BIRC2: variants seen among roughly 807,000 people sequenced by gnomAD.
BIRC2 encodes the protein baculoviral IAP repeat-containing protein 2.
Under a neutral mutation model 60.9 loss-of-function variants are expected in BIRC2, and 18 were observed. That is an observed-to-expected ratio of 0.30 (90% CI 0.20 to 0.44). BIRC2 has a LOEUF of 0.44. Among genes scored for constraint, BIRC2 ranks in the 20% least tolerant of loss-of-function variants. The pLI is 1.00. For synonymous variants in BIRC2, 282 were observed against 247.7 expected, an observed-to-expected ratio of 1.14 and a Z score of -1.30; for missense variants, 701 against 728.5, an observed-to-expected ratio of 0.96 and a Z score of 0.43.
chr11:102,367,521 T>A (rs1031330081), intron 5 of BIRC2, among the ~76,000 whole-genome samples: 3 of 152,236 alleles, frequency 2.0e-5, no homozygotes, highest in Non-Finnish European at 4.4e-5. Context: ...ATATTTATTA[T>A]AAGTTTCCAG....
intron 6 of BIRC2, among the ~76,000 whole-genome samples, chr11:102,369,896 T>G: frequency 6.7e-6 from 1 of 148,562 alleles, no homozygotes; most frequent in African/African-American, 2.5e-5. Context: ...GGTTTTGATT[T>G]GCATTTCTCT....
chr11:102,372,513 T>G (rs1470561476), intron 6 of BIRC2, among the ~76,000 whole-genome samples: 1 of 152,156 alleles, frequency 6.6e-6, no homozygotes, highest in African/African-American at 2.4e-5. Context: ...CTAGTTTGAT[T>G]GCACTGTGGT....
chr11:102,362,117 A>G (rs916735634), intron 3 of BIRC2, among the ~76,000 whole-genome samples: 2 of 152,186 alleles, frequency 1.3e-5, no homozygotes, highest in Non-Finnish European at 2.9e-5. Flanking sequence ...TCTTTTGTCT[A>G]ATAATTCTTT....
chr11:102,375,174 G>A (rs1951695104), intron 6 of BIRC2, among the ~76,000 whole-genome samples: 1 of 152,160 alleles, frequency 6.6e-6, no homozygotes, highest in Admixed American at 6.5e-5. Flanking sequence ...TTCCTATTCG[G>A]CCATCTTGGC....
rs1035601744 is a variant in BIRC2 at position 102,348,807 on chromosome 11, T to C, written c.-1048T>C. 2.2e-5 allele frequency: 6 copies of C among 275,200 alleles called. No homozygotes were observed. The highest frequency in any genetic ancestry group is 4.3e-5 in the Non-Finnish European group (6 of 140,938). The allele number at this position is 275,200 out of a possible 1,614,324, so 17.0% of individuals were successfully genotyped here. A position where few individuals can be genotyped will look rare whatever the true frequency, so the allele number is the denominator to read the frequency against. On this transcript the variant is annotated 5_prime_UTR_variant, in exon 2 of 9. Coordinates refer to ENST00000227758, the MANE Select transcript of BIRC2 (RefSeq NM_001166.5). ...CTGATACTTTATGCTAAGCAGTACT[T>C]TTTTGGTAGTACAATATTTTGTTAG...
chr11:102,373,960 C>A lies in BIRC2; in HGVS notation c.1367-3536C>A, dbSNP rs1437274192. On this transcript the variant is annotated intron_variant, in intron 6 of 8. Transcript: ENST00000227758. The stretch of plus-strand genomic sequence containing the variant: ...TACCCTTTCTTCCAGTTGATCGCAT[C>A]GGCTCCTGAGGCTTCTGCATTCTTC... 1.3e-4 allele frequency among the ~76,000 whole-genome samples: 18 copies of A among 142,948 alleles called. No homozygotes were observed. The South Asian group carries it at 4.1e-3, about 32-fold the overall frequency. The allele number at this position is 142,948 out of a possible 152,430, so 93.8% of individuals were successfully genotyped here. A position where few individuals can be genotyped will look rare whatever the true frequency, so the allele number is the denominator to read the frequency against.
At chr11:102,351,058 G>A (rs1009226192) in intron 3 of BIRC2, 115 bp downstream of exon 3, 9 of 904,500 alleles carry the variant, frequency 1.0e-5, no homozygotes, top group African/African-American at 3.4e-5. Flanking sequence ...TATGCCATTG[G>A]GGAATTATCC....
chr11:102,361,122 G>T (rs545297961), intron 3 of BIRC2, among the ~76,000 whole-genome samples: 12 of 152,326 alleles, frequency 7.9e-5, no homozygotes, highest in Non-Finnish European at 1.8e-4. Context: ...GGAGGTGGCA[G>T]CACTGATGTC....
chr11:102,376,138 G>A (rs1951710934), intron 6 of BIRC2, among the ~76,000 whole-genome samples: 1 of 152,100 alleles, frequency 6.6e-6, no homozygotes, highest in Admixed American at 6.6e-5. Context: ...TGTATGGGTT[G>A]GAAAATAGTA....
intron 3 of BIRC2, among the ~76,000 whole-genome samples, chr11:102,354,150 C>T (rs1951393916): frequency 6.6e-6 from 1 of 152,194 alleles, no homozygotes; most frequent in Non-Finnish European, 1.5e-5. Context: ...CTTTCTCTGG[C>T]ATATTTCACT....
intron 5 of BIRC2, among the ~76,000 whole-genome samples, chr11:102,364,174 T>TATATATATATATATATAC (rs1389968594): frequency 8.8e-4 from 69 of 78,022 alleles, no homozygotes; most frequent in African/African-American, 1.6e-3. Context: ...TATATATATA[T>TATATATATATATATATAC]ACACACACAC....
At chr11:102,362,806 A>G (rs538474574) in intron 3 of BIRC2, 90 bp from the exon 4 acceptor site, 8 of 976,636 alleles carry the variant, frequency 8.2e-6, no homozygotes, top group East Asian at 5.2e-5. Context: ...ATGGAGTACA[A>G]TGAAAGATTT....
At chr11:102,361,690 G>A (rs189879932) in intron 3 of BIRC2, among the ~76,000 whole-genome samples, 1 of 152,136 alleles carries the variant, frequency 6.6e-6, no homozygotes, top group Admixed American at 6.5e-5. Flanking sequence ...ACCTGCTCTG[G>A]GGAGGAGCCT....
Position 102,363,704 on chromosome 11 carries a change from G to C in BIRC2, c.1111G>C (p.Ala371Pro). 1 of 1,611,444 alleles carries C rather than the reference G, an allele frequency of 6.2e-7. No homozygotes were observed. The highest frequency in any genetic ancestry group is 1.1e-5 in the South Asian group (1 of 90,872). The stretch of plus-strand genomic sequence containing the variant: ...TTCAGATACCACTGGAGAAGAAAAT[G>C]CTGACCCACCAAGTATGTATGAGAT... The part of the protein sequence containing the change: ...STSDTTGEEN[A>P]DPPIIHFGPG... The change falls in exon 5 of 9, where the codon GCT becomes CCT. Residue 371 changes from alanine (A) to proline (P), a missense_variant. Ala to Pro is a conservative substitution (Grantham distance 27). Transcript: ENST00000227758.
At chr11:102,357,207 G>GTAAT (rs769347385) in intron 3 of BIRC2, among the ~76,000 whole-genome samples, 2 of 152,080 alleles carry the variant, frequency 1.3e-5, no homozygotes, top group African/African-American at 2.4e-5. Flanking sequence ...TGGTATCAGA[G>GTAAT]TAATGCTTGG....
In BIRC2 at chr11:102,378,095, T is replaced by C. The variant is rs768585705; in HGVS notation, c.1769T>C (p.Val590Ala). The C allele has an allele frequency of 6.2e-7, 1 of 1,613,860 alleles. No individual in the cohort carries two copies. The highest frequency in any genetic ancestry group is 8.5e-7 in the Non-Finnish European group (1 of 1,179,806). Residue 590 changes from valine to alanine, a missense_variant, in exon 9 of 9, where the codon GTA becomes GCA. Transcript: ENST00000227758. ...GTATTTATTCCTTGTGGTCATCTGG[T>C]AGTATGCCAGGAATGTGCCCCTTCT... is the stretch of plus-strand genomic sequence containing the variant. The part of the protein sequence containing the change: ...SVVFIPCGHL[V>A]VCQECAPSLR...
rs756993758 is a variant in BIRC2 at position 102,378,056 on chromosome 11, A to G, written c.1730A>G (p.Lys577Arg). 2.6e-5 allele frequency: 42 copies of G among 1,613,620 alleles called. No individual in the cohort carries two copies. The East Asian group carries it at 3.3e-4, about 13-fold the overall frequency. Reference protein sequence around the residue: ...EERTCKVCMDKEVSVVFIPCG... With the variant: ...EERTCKVCMDREVSVVFIPCG... ...CGAACTTGTAAAGTGTGTATGGACA[A>G]AGAAGTTTCTGTTGTATTTATTCCT... Residue 577 changes from lysine to arginine, a missense_variant, in exon 9 of 9, where the codon AAA becomes AGA. By Grantham distance (26) the Lys-to-Arg change is conservative. This residue lies in a region of BIRC2 where 52 missense variants were observed against 83.9 expected (regional missense o/e 0.62). Coordinates refer to ENST00000227758, the MANE Select transcript of BIRC2 (RefSeq NM_001166.5).
chr11:102,361,951 C>T (rs903832753), intron 3 of BIRC2, among the ~76,000 whole-genome samples: 2 of 150,920 alleles, frequency 1.3e-5, no homozygotes, highest in Admixed American at 1.3e-4. Flanking sequence ...TGGAAGAAGG[C>T]TGATGTCTCC....
intron 3 of BIRC2, among the ~76,000 whole-genome samples, chr11:102,353,446 G>A (rs914812756): frequency 3.9e-5 from 6 of 151,920 alleles, no homozygotes; most frequent in Non-Finnish European, 5.9e-5. Flanking sequence ...AGCCCCCCGA[G>A]TAGCTGGAAT....
Sources: gnomAD v4.1 joint callset for allele counts (sites outside exome capture counted in the v4.1 genomes callset) on GRCh38, gnomAD v4.1.1 for gene constraint, gnomAD v4.1.1 regional missense constraint, MANE v1.5 for transcripts, NCBI Gene and HGNC (gene_info 2026-07-23, HGNC 2026-07-21) for gene names.